The following GPSM1 variants were observed in gnomAD, a reference collection of about 807,000 sequenced individuals.
GPSM1 encodes the protein G protein signaling modulator 1.
In GPSM1, 48 loss-of-function variants were observed where a neutral mutation model predicts 70.5. That is an observed-to-expected ratio of 0.68 (90% CI 0.54 to 0.87). The LOEUF (loss-of-function observed/expected upper bound fraction) is 0.87, where lower values mean the gene tolerates loss of function less well. Ranked by LOEUF, GPSM1 falls within the 40% of genes least tolerant of loss-of-function variation. The probability of loss-of-function intolerance (pLI) is 0.00; values close to 1 mark genes in which losing one functional copy is unlikely to be tolerated. For synonymous variants in GPSM1, 416 were observed against 430.1 expected (o/e 0.97, Z 0.41); for missense variants, 981 against 972.6 (o/e 1.01, Z -0.11).
In GPSM1 at chr9:136,356,550, GGTGGGCTGCGGCCCTGGGCGGGC is replaced by G; in HGVS notation, c.1821+5_1821+27del. On this transcript the variant is annotated splice_donor_variant and splice_donor_5th_base_variant and intron_variant, in intron 13 of 13. Transcript: ENST00000440944. LOFTEE classifies it high-confidence loss of function. ...TCTTCAACATGCTCATCAAGTACCA[GGTGGGCTGCGGCCCTGGGCGGGC>G]GTGGCTCGCGGCCCCTTTGCCATCC... is the stretch of plus-strand genomic sequence containing the variant. 6.8e-6 allele frequency: 11 copies of G among 1,608,370 alleles called. No homozygotes were observed. The highest frequency in any genetic ancestry group is 8.5e-6 in the Non-Finnish European group (10 of 1,177,074).
Position 136,356,382 on chromosome 9 carries a change from C to G in GPSM1, c.1653C>G (p.Phe551Leu). Residue 551 changes from phenylalanine (F) to leucine (L), a missense_variant, in exon 13 of 14, where the codon TTC (phenylalanine) becomes TTG (leucine). Physicochemically the swap from Phe to Leu is conservative, Grantham distance 22. Transcript: ENST00000440944. ...SMTASPQTEEFFDLIASSQSR... is the reference protein window; with the variant it reads ...SMTASPQTEELFDLIASSQSR... ...CGGCCTCGCCCCAGACCGAGGAATT[C>G]TTCGACCTCATCGCCAGCTCCCAGA... 1 of 1,608,430 alleles carries G rather than the reference C, an allele frequency of 6.2e-7. No homozygotes were observed. The highest frequency in any genetic ancestry group is 8.5e-7 in the Non-Finnish European group (1 of 1,177,630).
Position 136,358,012 on chromosome 9 carries a change from A to G in GPSM1, c.1822-2A>G. On this transcript the variant is annotated splice_acceptor_variant, in intron 13 of 13. Coordinates refer to ENST00000440944, the MANE Select transcript of GPSM1 (RefSeq NM_001145638.3). LOFTEE classifies it high-confidence loss of function. Reference sequence around the variant, plus strand: ...GCCGCCAACTGCACTGTGTCCACCCAGTCCTCCAGGATCGATGACCAGCGC... The same window carrying G: ...GCCGCCAACTGCACTGTGTCCACCCGGTCCTCCAGGATCGATGACCAGCGC... The G allele has an allele frequency of 6.2e-7, 1 of 1,611,952 alleles. No homozygotes were observed. Among genetic ancestry groups the G allele is most frequent in the Non-Finnish European group, 8.5e-7 (1 of 1,179,182 alleles).
chr9:136,357,562 C>T (rs185102058), intron 13 of GPSM1, among the ~76,000 whole-genome samples: 9 of 152,344 alleles, frequency 5.9e-5, no homozygotes, highest in Admixed American at 2.6e-4. Flanking sequence ...CCCTGGGGGG[C>T]GCCACACTTC....
chr9:136,356,951 G>A (rs76564770), intron 13 of GPSM1, among the ~76,000 whole-genome samples: 11,654 of 152,270 alleles, frequency 0.077, 578 homozygotes, highest in East Asian at 0.14. Context: ...GGGGAGGGCA[G>A]GGGGATCCAG....
intron 1 of GPSM1, among the ~76,000 whole-genome samples, chr9:136,329,328 A>G (rs959578499): frequency 6.6e-6 from 1 of 152,234 alleles, no homozygotes; most frequent in Non-Finnish European, 1.5e-5. Context: ...GTGTAGCCAC[A>G]GCCCGGTTTG....
intron 11 of GPSM1, among the ~76,000 whole-genome samples, chr9:136,353,406 A>G (rs988463228): frequency 5.9e-5 from 9 of 152,048 alleles, no homozygotes; most frequent in Non-Finnish European, 1.0e-4. Flanking sequence ...GTCCCACTGG[A>G]TATGTTCTAC....
intron 11 of GPSM1, among the ~76,000 whole-genome samples, chr9:136,354,475 G>A (rs1554772645): frequency 6.6e-6 from 1 of 152,244 alleles, no homozygotes; most frequent in Admixed American, 6.5e-5. Context: ...CACCAACATT[G>A]CGTCTCTTGT....
At chr9:136,347,552 G>A (rs540846731) in intron 9 of GPSM1, among the ~76,000 whole-genome samples, 17 of 152,262 alleles carry the variant, frequency 1.1e-4, no homozygotes, top group Non-Finnish European at 1.9e-4. Context: ...TCGTTCCGCC[G>A]TCGTCCCCTC....
In GPSM1 at chr9:136,348,770, G is replaced by A; in HGVS notation, c.1278+3G>A. The A allele has an allele frequency of 6.2e-7, 1 of 1,609,240 alleles. No homozygotes were observed. Among genetic ancestry groups the A allele is most frequent in the Non-Finnish European group, 8.5e-7 (1 of 1,177,080 alleles). ...TGCTGAGACTCCCCCTGGAGCGGGT[G>A]AGCCAGGGACACGGGACCGATGTCA... On this transcript the variant is annotated splice_donor_region_variant and intron_variant, in intron 10 of 13. Transcript: ENST00000440944.
At position 136,337,845 on chromosome 9, in the gene GPSM1, G is replaced by GC; in HGVS notation, c.703dup (p.Arg235ProfsTer6). ...ACCTGGCCTCCGGTGTGTCTCCGCAGCGCCTGGCCATTGCTAAGGAGTTTG... is the reference window on the plus strand; with the variant it reads ...ACCTGGCCTCCGGTGTGTCTCCGCAGCCGCCTGGCCATTGCTAAGGAGTTTG... On this transcript the variant is annotated frameshift_variant and splice_region_variant. Coordinates refer to ENST00000440944, the MANE Select transcript of GPSM1 (RefSeq NM_001145638.3). LOFTEE classifies it high-confidence loss of function. 1 of 1,607,764 alleles carries GC rather than the reference G, an allele frequency of 6.2e-7. No individual in the cohort carries two copies. The highest frequency in any genetic ancestry group is 8.5e-7 in the Non-Finnish European group (1 of 1,175,502).
At chr9:136,334,078 T>C (rs1832166087) in intron 1 of GPSM1, among the ~76,000 whole-genome samples, 1 of 152,108 alleles carries the variant, frequency 6.6e-6, no homozygotes, top group African/African-American at 2.4e-5. Context: ...GCCTGGCCCC[T>C]GCAGCCCGTA....
chr9:136,337,054 A>T lies in GPSM1; in HGVS notation c.560A>T (p.Lys187Met). 6.4e-7 allele frequency: 1 copy of T among 1,551,554 alleles called. No individual in the cohort carries two copies. Among genetic ancestry groups the T allele is most frequent in the African/African-American group, 1.4e-5 (1 of 73,256 alleles). The change falls in exon 4 of 14, where the codon AAG (lysine) becomes ATG (methionine). Residue 187 changes from lysine (K) to methionine (M), a missense_variant. By Grantham distance (95) the Lys-to-Met change is moderately conservative. Coordinates refer to ENST00000440944, the MANE Select transcript of GPSM1 (RefSeq NM_001145638.3). ...CCCGATGTCCGAGAGACCCTGTGCAAGGCCTCCGAGTTCTACGAGTGAGTG... is the reference window on the plus strand; with the variant it reads ...CCCGATGTCCGAGAGACCCTGTGCATGGCCTCCGAGTTCTACGAGTGAGTG... ...LPPDVRETLC[K>M]ASEFYERNLS...
At chr9:136,334,332 G>A in intron 1 of GPSM1, 115 bp from the exon 2 acceptor site, 1 of 695,662 alleles carries the variant, frequency 1.4e-6, no homozygotes, top group East Asian at 2.7e-5. Flanking sequence ...GAGCACAGAT[G>A]TGGTGTGTGC....
intron 8 of GPSM1, 115 bp downstream of exon 8, chr9:136,339,930 G>A (rs1473499386): frequency 1.0e-5 from 7 of 687,772 alleles, no homozygotes; most frequent in Admixed American, 2.3e-5. Context: ...CATCCTTTCA[G>A]GGCCATTGCA....
At chr9:136,354,811 T>C in intron 11 of GPSM1, 1 of 990,638 alleles carries the variant, frequency 1.0e-6, no homozygotes. Context: ...GTGAGGGCTG[T>C]GTAGGGCATG....
chr9:136,336,873 T>G (rs1554769298), intron 3 of GPSM1, 48 bp from the exon 4 acceptor site: 1 of 1,522,322 alleles, frequency 6.6e-7, no homozygotes, highest in African/African-American at 1.4e-5. Flanking sequence ...CTGCACATCG[T>G]GTGGGGGGCC....
At chr9:136,357,354 G>A (rs1832859707) in intron 13 of GPSM1, among the ~76,000 whole-genome samples, 1 of 152,220 alleles carries the variant, frequency 6.6e-6, no homozygotes, top group African/African-American at 2.4e-5. Flanking sequence ...TCGGCCCGGG[G>A]CCAGGCGTCC....
intron 11 of GPSM1, 128 bp from the exon 12 acceptor site, chr9:136,355,562 G>C (rs571490846): frequency 5.1e-6 from 4 of 791,918 alleles, no homozygotes; most frequent in Admixed American, 5.2e-5. Flanking sequence ...TAGCCGACAG[G>C]GGGCAGGTTA....
At chr9:136,357,981 G>A in intron 13 of GPSM1, 33 bp from the exon 14 acceptor site, 2 of 1,569,556 alleles carry the variant, frequency 1.3e-6, no homozygotes, top group Non-Finnish European at 1.8e-6. Flanking sequence ...GGGCTGGGGG[G>A]GTGAGGCCGC....
Sources: allele counts gnomAD v4.1 joint callset (sites outside exome capture counted in the v4.1 genomes callset), GRCh38; gene constraint gnomAD v4.1.1; transcripts MANE v1.5; gene names NCBI Gene and HGNC (gene_info 2026-07-23, HGNC 2026-07-21).